The following TRHDE variants were observed in gnomAD, a reference collection of about 807,000 sequenced individuals.
TRHDE encodes the protein thyrotropin-releasing hormone-degrading ectoenzyme.
In TRHDE, 72 loss-of-function variants were observed where a neutral mutation model predicts 125.7. The ratio of observed to expected loss-of-function variants is 0.57; its 90% CI spans 0.47 to 0.70. The LOEUF (loss-of-function observed/expected upper bound fraction) is 0.70. Ranked by LOEUF, TRHDE falls within the 30% of genes least tolerant of loss-of-function variation. The pLI is 0.00. For missense variants in TRHDE, 1,110 were observed against 1,327.1 expected (o/e 0.84, Z 2.54); for synonymous variants, 509 against 509.1 (o/e 1.00, Z 0.00).
intron 3 of TRHDE, among the ~76,000 whole-genome samples, chr12:72,430,334 CAT>C (rs1166662909): frequency 1.5e-5 from 2 of 136,826 alleles, no homozygotes; most frequent in African/African-American, 2.9e-5. Flanking sequence ...TACATATATA[CAT>C]GTATATATAC....
intron 17 of TRHDE, 31 bp from the exon 18 acceptor site, chr12:72,656,896 A>T (rs770172337): frequency 7.1e-7 from 1 of 1,416,198 alleles, no homozygotes; most frequent in Non-Finnish European, 9.9e-7. Context: ...TATGACCTGC[A>T]TTGACATTAA....
intron 2 of TRHDE, among the ~76,000 whole-genome samples, chr12:72,309,503 G>GA (rs1358871629): frequency 1.3e-5 from 2 of 151,998 alleles, no homozygotes; most frequent in Non-Finnish European, 2.9e-5. Flanking sequence ...TGGAAAGGAG[G>GA]AAAAACAGCT....
intron 6 of TRHDE, among the ~76,000 whole-genome samples, chr12:72,518,977 A>C (rs1247311157): frequency 6.6e-6 from 1 of 151,836 alleles, no homozygotes; most frequent in African/African-American, 2.4e-5. Flanking sequence ...ATTGGCCCCC[A>C]CTCTCTTCTG....
chr12:72,318,085 A>G (rs1868892222), intron 2 of TRHDE, among the ~76,000 whole-genome samples: 1 of 152,208 alleles, frequency 6.6e-6, no homozygotes, highest in Non-Finnish European at 1.5e-5. Flanking sequence ...ACCAAAGACC[A>G]CCAGTAACAC....
chr12:72,362,591 G>T (rs1309112679), intron 2 of TRHDE, among the ~76,000 whole-genome samples: 6 of 150,010 alleles, frequency 4.0e-5, no homozygotes, highest in East Asian at 2.0e-4. Context: ...GTCAATTTTG[G>T]CTTTTGTTGC....
intron 12 of TRHDE, among the ~76,000 whole-genome samples, chr12:72,590,121 T>G (rs903024407): frequency 1.3e-5 from 2 of 152,012 alleles, no homozygotes; most frequent in African/African-American, 4.8e-5. Context: ...TGTGATTTCT[T>G]CTTGAGAAAA....
chr12:72,275,148 C>A (rs560522907), intron 1 of TRHDE, among the ~76,000 whole-genome samples: 71 of 152,312 alleles, frequency 4.7e-4, no homozygotes, highest in African/African-American at 1.6e-3. Context: ...GCAGGCTTGT[C>A]AGTGGAGAGT....
intron 3 of TRHDE, among the ~76,000 whole-genome samples, chr12:72,409,259 C>CT (rs1873394345): frequency 6.6e-6 from 1 of 152,036 alleles, no homozygotes; most frequent in Admixed American, 6.6e-5. Flanking sequence ...TGGAAAAATG[C>CT]TAAGGGAATT....
intron 2 of TRHDE, among the ~76,000 whole-genome samples, chr12:72,252,506 A>G (rs1260073248): frequency 6.6e-6 from 1 of 152,104 alleles, no homozygotes; most frequent in Non-Finnish European, 1.5e-5. Flanking sequence ...ATCTGAGTCC[A>G]TGCCTTGGCA....
chr12:72,394,940 A>C (rs1592414090), intron 3 of TRHDE, among the ~76,000 whole-genome samples: 1 of 152,208 alleles, frequency 6.6e-6, no homozygotes, highest in South Asian at 2.1e-4. Context: ...AAAAAATTTT[A>C]CATATGTATT....
intron 12 of TRHDE, among the ~76,000 whole-genome samples, chr12:72,616,896 T>C (rs1872838355): frequency 6.6e-6 from 1 of 152,092 alleles, no homozygotes; most frequent in Non-Finnish European, 1.5e-5. Flanking sequence ...GAATTAAAAG[T>C]TCCAGAGAGA....
At chr12:72,342,776 T>C (rs1870140300) in intron 2 of TRHDE, among the ~76,000 whole-genome samples, 1 of 152,154 alleles carries the variant, frequency 6.6e-6, no homozygotes, top group Non-Finnish European at 1.5e-5. Flanking sequence ...TATAGTTTTA[T>C]AGACAGGAAC....
chr12:72,126,518 G>A (rs959180744), intron 2 of TRHDE, among the ~76,000 whole-genome samples: 1 of 152,102 alleles, frequency 6.6e-6, no homozygotes, highest in African/African-American at 2.4e-5. Flanking sequence ...AAGGAACACT[G>A]GAACAGAATA....
chr12:72,113,518 G>A (rs1180402687), intron 2 of TRHDE, among the ~76,000 whole-genome samples: 2 of 151,714 alleles, frequency 1.3e-5, no homozygotes, highest in Non-Finnish European at 2.9e-5. Flanking sequence ...GATTGGTCTC[G>A]AACTCCTGAA....
intron 2 of TRHDE, among the ~76,000 whole-genome samples, chr12:72,226,494 C>T (rs371959430): frequency 8.4e-4 from 127 of 152,036 alleles, no homozygotes; most frequent in South Asian, 3.3e-3. Context: ...TTAACTGCAG[C>T]GTATTTGAAT....
At chr12:72,203,031 CCTA>C (rs1444644947) in intron 2 of TRHDE, among the ~76,000 whole-genome samples, 5 of 151,784 alleles carry the variant, frequency 3.3e-5, no homozygotes, top group African/African-American at 9.7e-5. Context: ...TAGTTCCAAT[CCTA>C]CTGTTTTTAA....
chr12:72,495,083 T>TG (rs1877854630), intron 5 of TRHDE, among the ~76,000 whole-genome samples: 3 of 144,122 alleles, frequency 2.1e-5, no homozygotes, highest in Non-Finnish European at 4.5e-5. Flanking sequence ...TTTTTTTTTT[T>TG]TTTAAGTTTC....
intron 2 of TRHDE, among the ~76,000 whole-genome samples, chr12:72,248,077 A>C (rs1235814058): frequency 3.3e-5 from 5 of 152,192 alleles, no homozygotes; most frequent in Non-Finnish European, 7.3e-5. Flanking sequence ...ATGTGTGTAC[A>C]TATGTACGCA....
intron 12 of TRHDE, among the ~76,000 whole-genome samples, chr12:72,617,474 C>T (rs146104872): frequency 9.9e-5 from 15 of 152,096 alleles, no homozygotes; most frequent in African/African-American, 1.4e-4. Context: ...TCTCCGTTTC[C>T]TCCCTGTCCA....
Sources: gnomAD v4.1 joint callset for allele counts (sites outside exome capture counted in the v4.1 genomes callset) on GRCh38, gnomAD v4.1.1 for gene constraint, MANE v1.5 for transcripts, NCBI Gene and HGNC (gene_info 2026-07-23, HGNC 2026-07-21) for gene names.